ZNF385D: variants seen among roughly 807,000 people sequenced by gnomAD.
ZNF385D encodes the protein zinc finger protein 385D.
A neutral mutation model predicts 35.8 loss-of-function variants in ZNF385D; 15 were observed. The observed-to-expected ratio is 0.42, with a 90% CI of 0.28 to 0.64. ZNF385D has a LOEUF of 0.64. Ranked by LOEUF, ZNF385D falls within the 30% of genes least tolerant of loss-of-function variation. The probability of loss-of-function intolerance (pLI) is 0.23; values close to 1 mark genes in which losing one functional copy is unlikely to be tolerated. For synonymous variants in ZNF385D, 212 were observed against 186.8 expected (o/e 1.13, Z -1.10); for missense variants, 474 against 494.6 (o/e 0.96, Z 0.39).
intron 2 of ZNF385D, among the ~76,000 whole-genome samples, chr3:22,249,096 T>C (rs1028061777): frequency 6.6e-6 from 1 of 152,092 alleles, no homozygotes; most frequent in African/African-American, 2.4e-5. Flanking sequence ...TTCCAGCCAT[T>C]CAAGTCTCCA....
In ZNF385D at chr3:21,888,079, T is replaced by TC. The variant is rs904655307; in HGVS notation, c.326-223052dup. On this transcript the variant is annotated intron_variant, in intron 3 of 5. Coordinates refer to the ZNF385D transcript ENST00000494108. Reference sequence around the variant, plus strand: ...CCTTTTATTCAAACTCAATAATTGCTCCCCCCCTTTTTTGGAAAAAACATC... The same window carrying TC: ...CCTTTTATTCAAACTCAATAATTGCTCCCCCCCCTTTTTTGGAAAAAACATC... Among the ~76,000 whole-genome samples, 8 of 152,040 alleles carry TC rather than the reference T, an allele frequency of 5.3e-5. No individual in the cohort carries two copies. In the South Asian group the frequency reaches 8.3e-4, roughly 16 times the overall value.
chr3:21,892,909 G>A (rs1392676766), intron 3 of ZNF385D, among the ~76,000 whole-genome samples: 2 of 152,158 alleles, frequency 1.3e-5, no homozygotes, highest in African/African-American at 2.4e-5. Flanking sequence ...GAATGTCAGA[G>A]TAAGTGACAT....
intron 3 of ZNF385D, among the ~76,000 whole-genome samples, chr3:22,106,080 ACT>A (rs1366085272): frequency 6.6e-6 from 1 of 152,038 alleles, no homozygotes; most frequent in Non-Finnish European, 1.5e-5. Context: ...GGACTCTGAA[ACT>A]CTGACTTCAG....
chr3:21,962,415 T>C (rs769634320), intron 3 of ZNF385D, among the ~76,000 whole-genome samples: 3 of 152,208 alleles, frequency 2.0e-5, no homozygotes, highest in Non-Finnish European at 4.4e-5. Context: ...CACTGAAGTT[T>C]AATTTTGGAA....
At chr3:21,564,877 A>G (rs75931898) in intron 2 of ZNF385D, among the ~76,000 whole-genome samples, 193 bp from the exon 3 acceptor site, 1 of 152,208 alleles carries the variant, frequency 6.6e-6, no homozygotes, top group Non-Finnish European at 1.5e-5. Flanking sequence ...AAAGCTCAGT[A>G]TGATAAGGAA....
intron 2 of ZNF385D, among the ~76,000 whole-genome samples, chr3:22,260,978 T>G (rs917530313): frequency 2.0e-5 from 3 of 152,004 alleles, no homozygotes; most frequent in Non-Finnish European, 2.9e-5. Flanking sequence ...TTCAGAAACT[T>G]AAAAAATTTA....
intron 4 of ZNF385D, among the ~76,000 whole-genome samples, chr3:21,445,201 C>G (rs1389674245): frequency 6.6e-6 from 1 of 152,100 alleles, no homozygotes; most frequent in African/African-American, 2.4e-5. Context: ...CAAGTCAAAG[C>G]GTATATTCTC....
chr3:21,445,230 C>G (rs1290429181), intron 4 of ZNF385D, among the ~76,000 whole-genome samples: 1 of 152,126 alleles, frequency 6.6e-6, no homozygotes, highest in Non-Finnish European at 1.5e-5. Flanking sequence ...ATGGGTCTCC[C>G]CTACAACCTA....
At chr3:21,572,481 T>A (rs561251814) in intron 2 of ZNF385D, among the ~76,000 whole-genome samples, 57 of 152,290 alleles carry the variant, frequency 3.7e-4, no homozygotes, top group African/African-American at 1.3e-3. Flanking sequence ...CTTGACATGC[T>A]GGGTACTTTA....
At chr3:21,452,496 A>C (rs981018424) in intron 4 of ZNF385D, among the ~76,000 whole-genome samples, 22 of 152,060 alleles carry the variant, frequency 1.4e-4, no homozygotes, top group African/African-American at 4.3e-4. Context: ...CTCTATTCAT[A>C]GATGACATGA....
At chr3:22,332,911 T>C (rs1459913587) in intron 2 of ZNF385D, among the ~76,000 whole-genome samples, 1 of 152,078 alleles carries the variant, frequency 6.6e-6, no homozygotes, top group East Asian at 1.9e-4. Context: ...TTCCTTTTTT[T>C]TTTTTCCTGG....
chr3:21,953,113 T>C (rs1026591753), intron 3 of ZNF385D, among the ~76,000 whole-genome samples: 4 of 152,000 alleles, frequency 2.6e-5, no homozygotes, highest in South Asian at 2.1e-4. Flanking sequence ...TACAGTATTA[T>C]CTTCTCTGCT....
chr3:21,640,412 G>T (rs2065569204), intron 2 of ZNF385D, among the ~76,000 whole-genome samples: 1 of 152,070 alleles, frequency 6.6e-6, no homozygotes. Flanking sequence ...TTACTGTTAT[G>T]GACTGAAGTT....
chr3:22,187,091 G>T (rs1484877851), intron 2 of ZNF385D, among the ~76,000 whole-genome samples: 1 of 152,098 alleles, frequency 6.6e-6, no homozygotes, highest in Non-Finnish European at 1.5e-5. Context: ...CAAACGAGGA[G>T]ATCACACAAT....
At chr3:22,366,177 TA>T (rs1436800568) in intron 2 of ZNF385D, among the ~76,000 whole-genome samples, 1 of 152,142 alleles carries the variant, frequency 6.6e-6, no homozygotes, top group African/African-American at 2.4e-5. Flanking sequence ...TTCTTATCTC[TA>T]AAAGCAGTTT....
chr3:21,954,113 G>A (rs1384847507), intron 3 of ZNF385D, among the ~76,000 whole-genome samples: 3 of 151,914 alleles, frequency 2.0e-5, no homozygotes, highest in South Asian at 2.1e-4. Context: ...TGGAAGATAA[G>A]ATACAACATA....
chr3:21,696,720 C>A (rs2067483369), intron 1 of ZNF385D, among the ~76,000 whole-genome samples: 1 of 152,226 alleles, frequency 6.6e-6, no homozygotes, highest in Non-Finnish European at 1.5e-5. Context: ...AACTATCCCA[C>A]AAAATAATGA....
At chr3:21,908,863 A>G (rs1699823064) in intron 3 of ZNF385D, among the ~76,000 whole-genome samples, 1 of 152,094 alleles carries the variant, frequency 6.6e-6, no homozygotes. Flanking sequence ...TGTTATGACA[A>G]TTTCAGCTGT....
intron 3 of ZNF385D, among the ~76,000 whole-genome samples, chr3:21,932,636 A>C (rs1701070594): frequency 6.6e-6 from 1 of 151,838 alleles, no homozygotes; most frequent in African/African-American, 2.4e-5. Context: ...TTTTCTTCTT[A>C]AGAAAGTTAA....
Sources: gnomAD v4.1 joint callset for allele counts (sites outside exome capture counted in the v4.1 genomes callset) on GRCh38, gnomAD v4.1.1 for gene constraint, MANE v1.5 for transcripts, NCBI Gene and HGNC (gene_info 2026-07-23, HGNC 2026-07-21) for gene names.